ATP9B: variants seen among roughly 807,000 people sequenced by gnomAD.
ATP9B encodes ATPase phospholipid transporting 9B.
In ATP9B, 110 loss-of-function variants were observed where a neutral mutation model predicts 146.1. The ratio of observed to expected loss-of-function variants is 0.75; its 90% CI spans 0.65 to 0.88. The LOEUF (loss-of-function observed/expected upper bound fraction) is 0.88, where lower values mean the gene tolerates loss of function less well. Ranked by LOEUF, ATP9B falls within the 40% of genes least tolerant of loss-of-function variation. The probability of loss-of-function intolerance (pLI) is 0.00; values close to 1 mark genes in which losing one functional copy is unlikely to be tolerated. For synonymous variants in ATP9B, 604 were observed against 569.7 expected (o/e 1.06, Z -0.86); for missense variants, 1,499 against 1,496.4 (o/e 1.00, Z -0.03).
At chr18:79,215,806 C>T (rs1337563154) in intron 11 of ATP9B, among the ~76,000 whole-genome samples, 5 of 152,126 alleles carry the variant, frequency 3.3e-5, no homozygotes, top group African/African-American at 4.8e-5. Flanking sequence ...TCTCCTGCCT[C>T]AGCCTTGCGA....
At chr18:79,081,468 C>G (rs553473057) in intron 1 of ATP9B, among the ~76,000 whole-genome samples, 2 of 151,748 alleles carry the variant, frequency 1.3e-5, no homozygotes, top group African/African-American at 4.8e-5. Flanking sequence ...TCACCTTTAT[C>G]ATTTTTTATT....
At chr18:79,135,074 G>T (rs909139220) in intron 5 of ATP9B, among the ~76,000 whole-genome samples, 2 of 152,146 alleles carry the variant, frequency 1.3e-5, no homozygotes, top group Admixed American at 1.3e-4. Flanking sequence ...CATGTTTAAA[G>T]TTAGCAGAGT....
rs200185096 is a variant in ATP9B at position 79,345,584 on chromosome 18, C to A, written c.2617+12C>A. The A allele has an allele frequency of 3.3e-5, 53 of 1,604,298 alleles. No individual in the cohort carries two copies. The African/African-American group carries it at 5.7e-4, about 17-fold the overall frequency. ...CACCTGCGCCATCGGTGAGAGCCGCCCACCCTGCTCACAGGGAGGTCTCCA... is the reference window on the plus strand; with the variant it reads ...CACCTGCGCCATCGGTGAGAGCCGCACACCCTGCTCACAGGGAGGTCTCCA... On this transcript the variant is annotated intron_variant, in intron 22 of 29. Transcript: ENST00000426216.
chr18:79,270,320 C>CTG (rs1268808959), intron 12 of ATP9B, among the ~76,000 whole-genome samples: 4 of 151,016 alleles, frequency 2.6e-5, no homozygotes, highest in Middle Eastern at 3.4e-3. Flanking sequence ...GTGTGTGTGT[C>CTG]TGTGTGTGTG....
intron 11 of ATP9B, among the ~76,000 whole-genome samples, chr18:79,247,570 C>A (rs980204775): frequency 6.6e-6 from 1 of 152,096 alleles, no homozygotes; most frequent in Non-Finnish European, 1.5e-5. Context: ...GGTCGGCGGA[C>A]AGAGTGACAA....
At chr18:79,281,388 T>A (rs1371111406) in intron 13 of ATP9B, among the ~76,000 whole-genome samples, 1 of 151,918 alleles carries the variant, frequency 6.6e-6, no homozygotes, top group African/African-American at 2.4e-5. Context: ...TCTTAGCTAC[T>A]CCGGAGGCTG....
chr18:79,309,466 T>C (rs525516), intron 15 of ATP9B, among the ~76,000 whole-genome samples: 48 of 111,750 alleles, frequency 4.3e-4, no homozygotes, highest in African/African-American at 6.4e-4. Flanking sequence ...AGGTCAGGGG[T>C]TGAGGAGTGA....
At chr18:79,200,446 A>G (rs1303484161) in intron 9 of ATP9B, among the ~76,000 whole-genome samples, 1 of 152,218 alleles carries the variant, frequency 6.6e-6, no homozygotes, top group Non-Finnish European at 1.5e-5. Context: ...ATAGTGTTGA[A>G]GAACACTATT....
chr18:79,077,471 T>C (rs990978454), intron 1 of ATP9B, among the ~76,000 whole-genome samples: 1 of 152,206 alleles, frequency 6.6e-6, no homozygotes, highest in Non-Finnish European at 1.5e-5. Context: ...ATGGGTGGTG[T>C]TACCTTTTAG....
intron 12 of ATP9B, 131 bp from the exon 13 acceptor site, chr18:79,276,923 G>A (rs1182655299): frequency 7.0e-7 from 1 of 1,434,196 alleles, no homozygotes; most frequent in East Asian, 2.3e-5. Flanking sequence ...TTATCTGGCA[G>A]TTTGGGTATG....
intron 2 of ATP9B, among the ~76,000 whole-genome samples, chr18:79,106,448 G>A (rs1251906353): frequency 6.6e-6 from 1 of 152,114 alleles, no homozygotes; most frequent in Non-Finnish European, 1.5e-5. Context: ...TTTACTGCTA[G>A]CATGGAAGTC....
intron 4 of ATP9B, chr18:79,115,612 T>C (rs1475307917): frequency 3.5e-5 from 4 of 114,360 alleles, no homozygotes; most frequent in South Asian, 6.1e-4. Flanking sequence ...TCAGAAATAA[T>C]GCCGCATATC....
At chr18:79,110,725 A>G (rs906328409) in intron 3 of ATP9B, among the ~76,000 whole-genome samples, 1 of 152,252 alleles carries the variant, frequency 6.6e-6, no homozygotes, top group Non-Finnish European at 1.5e-5. Flanking sequence ...AAGAAAATGT[A>G]CAATTTGATT....
At chr18:79,202,429 G>C (rs969862793) in intron 9 of ATP9B, among the ~76,000 whole-genome samples, 10 of 152,078 alleles carry the variant, frequency 6.6e-5, no homozygotes, top group Non-Finnish European at 1.3e-4. Flanking sequence ...GCAAACCATA[G>C]CACACTTACA....
intron 8 of ATP9B, among the ~76,000 whole-genome samples, chr18:79,179,796 T>C (rs2095228474): frequency 6.6e-6 from 1 of 152,210 alleles, no homozygotes; most frequent in South Asian, 2.1e-4. Context: ...AAATGTTCAT[T>C]AGGTCAAGCT....
intron 13 of ATP9B, among the ~76,000 whole-genome samples, chr18:79,299,379 A>G (rs2096574769): frequency 6.6e-6 from 1 of 152,124 alleles, no homozygotes. Flanking sequence ...CCCATGTGCG[A>G]GCCACATACA....
At chr18:79,094,025 G>A (rs907449298) in intron 1 of ATP9B, among the ~76,000 whole-genome samples, 4 of 152,190 alleles carry the variant, frequency 2.6e-5, no homozygotes, top group Non-Finnish European at 5.9e-5. Flanking sequence ...GGGATTCTGG[G>A]TCTCATAATC....
chr18:79,168,283 G>T (rs565660199), intron 7 of ATP9B, among the ~76,000 whole-genome samples: 2 of 152,068 alleles, frequency 1.3e-5, no homozygotes, highest in Non-Finnish European at 2.9e-5. Context: ...TGCATCCTGC[G>T]GGGGGATAGA....
intron 26 of ATP9B, chr18:79,362,552 A>G (rs1008540581): frequency 6.6e-6 from 1 of 152,172 alleles, no homozygotes; most frequent in Non-Finnish European, 1.5e-5. Flanking sequence ...CAGGCACTTA[A>G]TTTTCTGGAT....
Sources: gnomAD v4.1 joint callset for allele counts (sites outside exome capture counted in the v4.1 genomes callset) on GRCh38, gnomAD v4.1.1 for gene constraint, MANE v1.5 for transcripts, NCBI Gene and HGNC (gene_info 2026-07-23, HGNC 2026-07-21) for gene names.